The following TTC12 variants were observed in gnomAD, a reference collection of about 807,000 sequenced individuals.
TTC12 encodes tetratricopeptide repeat domain 12.
Under a neutral mutation model 90.1 loss-of-function variants are expected in TTC12, and 70 were observed. The observed-to-expected ratio is 0.78, with a 90% CI of 0.64 to 0.95. The LOEUF (loss-of-function observed/expected upper bound fraction) is 0.95. Among genes scored for constraint, TTC12 ranks in the 40% least tolerant of loss-of-function variants. TTC12 has a pLI of 0.00. For missense variants in TTC12, 819 were observed against 846.1 expected, an observed-to-expected ratio of 0.97 and a Z score of 0.40; for synonymous variants, 296 against 311.5, an observed-to-expected ratio of 0.95 and a Z score of 0.53.
At chr11:113,370,360 C>T (rs1411223749), downstream of TTC12, among the ~76,000 whole-genome samples, 1 of 152,194 alleles carries the variant, frequency 6.6e-6, no homozygotes, top group Non-Finnish European at 1.5e-5. Context: ...GAGCTGCATC[C>T]CCCTACCCTC....
chr11:113,321,075 A>G (rs2137916260), intron 2 of TTC12, among the ~76,000 whole-genome samples: 1 of 152,330 alleles, frequency 6.6e-6, no homozygotes, highest in African/African-American at 2.4e-5. Context: ...CAATGACCCA[A>G]TAGAAAATTG....
At chr11:113,341,059 G>A (rs1343951918) in intron 11 of TTC12, among the ~76,000 whole-genome samples, 2 of 152,060 alleles carry the variant, frequency 1.3e-5, no homozygotes, top group African/African-American at 2.4e-5. Flanking sequence ...GTGAAACCCC[G>A]ACTCCACTAA....
In TTC12 at chr11:113,362,498, T is replaced by G. The variant is rs1949993056; in HGVS notation, c.1712T>G (p.Leu571Arg). The change falls in exon 19 of 22, where the codon CTG becomes CGG. Residue 571 changes from leucine (L) to arginine (R), a missense_variant. Leu to Arg is a moderately radical substitution (Grantham distance 102). Transcript: ENST00000529221. ...AGVVKKMMKF[L>R]KTGGETASRY... ...GTGGTAAAGAAAATGATGAAATTCC[T>G]GAAGGTAAGATCACTTTATTGGTTA... is the stretch of plus-strand genomic sequence containing the variant. The G allele has an allele frequency of 6.2e-7, 1 of 1,603,108 alleles. No homozygotes were observed. Among genetic ancestry groups the G allele is most frequent in the South Asian group, 1.1e-5 (1 of 90,840 alleles).
chr11:113,362,567 C>T, intron 19 of TTC12, 65 bp downstream of exon 19: 6 of 1,148,148 alleles, frequency 5.2e-6, no homozygotes, highest in Non-Finnish European at 6.6e-6. Context: ...ATTCGGGGAA[C>T]AGAATTAAGG....
intron 6 of TTC12, among the ~76,000 whole-genome samples, chr11:113,325,901 A>G (rs1490709345): frequency 6.6e-6 from 1 of 152,216 alleles, no homozygotes; most frequent in Non-Finnish European, 1.5e-5. Context: ...TCTCCATAGT[A>G]TAAGTCAGCT....
intron 12 of TTC12, 47 bp from the exon 13 acceptor site, chr11:113,344,225 A>C (rs781826717): frequency 1.3e-6 from 2 of 1,568,442 alleles, no homozygotes; most frequent in Non-Finnish European, 1.7e-6. Flanking sequence ...AGCTAGTTTA[A>C]TTGCCATGAT....
chr11:113,344,106 C>T (rs1290829379), intron 12 of TTC12, among the ~76,000 whole-genome samples, 166 bp from the exon 13 acceptor site: 1 of 152,332 alleles, frequency 6.6e-6, no homozygotes, highest in South Asian at 2.1e-4. Context: ...CTCCCCTGGG[C>T]ATTCGGACCC....
At chr11:113,315,531 T>C (rs1946880173) in intron 1 of TTC12, among the ~76,000 whole-genome samples, 1 of 152,220 alleles carries the variant, frequency 6.6e-6, no homozygotes, top group African/African-American at 2.4e-5. Flanking sequence ...GTTTACTGAC[T>C]TGAAATCTCG....
At chr11:113,335,535 A>G (rs887960447) in intron 8 of TTC12, among the ~76,000 whole-genome samples, 15 of 152,058 alleles carry the variant, frequency 9.9e-5, no homozygotes, top group African/African-American at 3.1e-4. Context: ...ATTTTAAAAA[A>G]TTTTCATCCC....
At chr11:113,325,348 A>G (rs1292500777) in intron 5 of TTC12, among the ~76,000 whole-genome samples, 176 bp from the exon 6 acceptor site, 1 of 152,158 alleles carries the variant, frequency 6.6e-6, no homozygotes, top group African/African-American at 2.4e-5. Context: ...TGGAGGAAAA[A>G]AAATACTTGA....
chr11:113,368,575 AGG>A (rs1320622857), downstream of TTC12: 2 of 1,344,846 alleles, frequency 1.5e-6, no homozygotes, highest in Admixed American at 3.9e-5. Flanking sequence ...CAGAGGTGGC[AGG>A]TAACAGACAG....
intron 8 of TTC12, among the ~76,000 whole-genome samples, chr11:113,337,938 A>G (rs975917249): frequency 2.0e-4 from 30 of 152,036 alleles, no homozygotes; most frequent in African/African-American, 7.3e-4. Flanking sequence ...ATACAGGGTC[A>G]CTCTGATATA....
chr11:113,319,634 C>T (rs1210671652), intron 2 of TTC12, among the ~76,000 whole-genome samples: 1 of 149,936 alleles, frequency 6.7e-6, no homozygotes, highest in African/African-American at 2.5e-5. Context: ...CCAAAGTTTA[C>T]GTGGAAGAGC....
chr11:113,356,176 C>T (rs1323311918), intron 16 of TTC12, among the ~76,000 whole-genome samples: 1 of 152,244 alleles, frequency 6.6e-6, no homozygotes, highest in Admixed American at 6.5e-5. Flanking sequence ...GAACTGAACC[C>T]TTTACCAATA....
rs533518597 is a variant in TTC12 at position 113,317,841 on chromosome 11, A to G, written c.58+1526A>G. ...GCTAACTTATGCATACTCAAAGTTC[A>G]TTCAGGTATCATGTATACCAGTGCT... On this transcript the variant is annotated intron_variant, in intron 2 of 21. Transcript: ENST00000529221. 1.1e-4 allele frequency among the ~76,000 whole-genome samples: 16 copies of G among 152,164 alleles called. No homozygotes were observed. The South Asian group carries it at 3.3e-3, about 32-fold the overall frequency.
intron 2 of TTC12, among the ~76,000 whole-genome samples, chr11:113,321,583 A>G (rs544445229): frequency 1.3e-5 from 2 of 152,352 alleles, no homozygotes; most frequent in East Asian, 1.9e-4. Context: ...TAAATATTAC[A>G]TACACAAATA....
At position 113,344,420 on chromosome 11, in the gene TTC12, C is replaced by T. The variant is rs1190786548; in HGVS notation, c.1134C>T (p.Ile378=). The change falls in exon 13 of 22, where the codon ATC becomes ATT. Residue 378 remains isoleucine (I), a synonymous_variant. Coordinates refer to ENST00000529221, the MANE Select transcript of TTC12 (RefSeq NM_017868.4). ...AQTESGRSLI[I]NHLDLTRLLE... is the part of the protein sequence containing the mutation. ...CTGAGAGCGGACGGAGCCTGATCAT[C>T]AACCACCTTGACCTGACCAGGTAAG... is the stretch of plus-strand genomic sequence containing the variant. 2 of 1,614,042 alleles carry T rather than the reference C, an allele frequency of 1.2e-6. No homozygotes were observed. Among genetic ancestry groups the T allele is most frequent in the South Asian group, 1.1e-5 (1 of 91,058 alleles).
Position 113,325,523 on chromosome 11 carries a change from G to T in TTC12, c.323-1G>T, listed in dbSNP as rs1555140661. 6.2e-7 allele frequency: 1 copy of T among 1,613,742 alleles called. No individual in the cohort carries two copies. The highest frequency in any genetic ancestry group is 1.1e-5 in the South Asian group (1 of 91,066). The stretch of plus-strand genomic sequence containing the variant: ...CACCTGTGTAACTTATATTCCCATA[G>T]CCCTAAAAGAAAAAGGGAATGAAGC... On this transcript the variant is annotated splice_acceptor_variant, in intron 5 of 21. Coordinates refer to ENST00000529221, the MANE Select transcript of TTC12 (RefSeq NM_017868.4). LOFTEE classifies it high-confidence loss of function.
At chr11:113,327,495 T>A (rs1246524638) in intron 6 of TTC12, among the ~76,000 whole-genome samples, 1 of 152,206 alleles carries the variant, frequency 6.6e-6, no homozygotes, top group African/African-American at 2.4e-5. Context: ...CTGGAGTTAA[T>A]GTTATGATCA....
Sources: allele counts gnomAD v4.1 joint callset (sites outside exome capture counted in the v4.1 genomes callset), GRCh38; gene constraint gnomAD v4.1.1; transcripts MANE v1.5; gene names NCBI Gene and HGNC (gene_info 2026-07-23, HGNC 2026-07-21).